The following OPCML variants were observed in gnomAD, a reference collection of about 807,000 sequenced individuals.
The protein encoded by OPCML is opioid-binding protein/cell adhesion molecule.
In OPCML, 13 loss-of-function variants were observed where a neutral mutation model predicts 37.8. The ratio of observed to expected loss-of-function variants is 0.34; its 90% CI spans 0.22 to 0.55. OPCML has a LOEUF of 0.55. OPCML is among the 20% of genes least tolerant of loss of function. The probability of loss-of-function intolerance (pLI) is 0.91; values close to 1 mark genes in which losing one functional copy is unlikely to be tolerated. For synonymous variants in OPCML, 176 were observed against 168.8 expected (o/e 1.04, Z -0.33); for missense variants, 341 against 435.6 (o/e 0.78, Z 1.93).
At chr11:132,824,856 C>T (rs540303407) in intron 2 of OPCML, among the ~76,000 whole-genome samples, 1 of 152,284 alleles carries the variant, frequency 6.6e-6, no homozygotes, top group South Asian at 2.1e-4. Flanking sequence ...GTTCTTTCAC[C>T]ACAAGCCCTT....
chr11:132,783,422 T>C (rs1947100417), intron 2 of OPCML, among the ~76,000 whole-genome samples: 1 of 152,210 alleles, frequency 6.6e-6, no homozygotes, highest in Non-Finnish European at 1.5e-5. Context: ...AGGCCGCATT[T>C]AAAGACACAT....
intron 1 of OPCML, among the ~76,000 whole-genome samples, chr11:133,451,406 C>T (rs529425069): frequency 6.6e-6 from 1 of 151,874 alleles, no homozygotes; most frequent in East Asian, 1.9e-4. Context: ...AGTGGAATTA[C>T]TAAAACTCAG....
intron 1 of OPCML, among the ~76,000 whole-genome samples, chr11:133,154,354 T>TA (rs1270605629): frequency 2.6e-5 from 4 of 152,180 alleles, no homozygotes; most frequent in African/African-American, 4.8e-5. Flanking sequence ...CTAAATTTAA[T>TA]AAAAGTGCAT....
intron 3 of OPCML, among the ~76,000 whole-genome samples, chr11:132,606,629 C>T (rs1247738746): frequency 6.6e-6 from 1 of 152,074 alleles, no homozygotes; most frequent in Admixed American, 6.5e-5. Flanking sequence ...CCTGCAAGGA[C>T]CAGCCTCCAA....
chr11:133,341,489 T>A (rs1943868819), intron 1 of OPCML, among the ~76,000 whole-genome samples: 2 of 152,184 alleles, frequency 1.3e-5, no homozygotes, highest in Admixed American at 1.3e-4. Context: ...CCTCCACCCA[T>A]GAAGTCAAGG....
At chr11:133,210,683 T>C (rs1303533199) in intron 1 of OPCML, among the ~76,000 whole-genome samples, 2 of 151,292 alleles carry the variant, frequency 1.3e-5, no homozygotes, top group African/African-American at 4.9e-5. Context: ...TACATGGCTA[T>C]TTTTTTTTCT....
At chr11:132,437,808 G>A (rs1341340807) in intron 4 of OPCML, among the ~76,000 whole-genome samples, 1 of 152,150 alleles carries the variant, frequency 6.6e-6, no homozygotes, top group South Asian at 2.1e-4. Flanking sequence ...GTTTTTGTAT[G>A]CAGAATACAA....
intron 2 of OPCML, among the ~76,000 whole-genome samples, chr11:132,850,258 G>T (rs1188132407): frequency 6.6e-6 from 1 of 152,126 alleles, no homozygotes; most frequent in Non-Finnish European, 1.5e-5. Context: ...GTGGTTATGG[G>T]TGACTGTTCT....
At chr11:133,451,711 C>T (rs561430887) in intron 1 of OPCML, among the ~76,000 whole-genome samples, 8 of 148,532 alleles carry the variant, frequency 5.4e-5, no homozygotes, top group South Asian at 4.2e-4. Context: ...GGTGTGGTGG[C>T]GGGTGCCTGT....
chr11:133,270,035 T>C (rs1405169800), intron 1 of OPCML, among the ~76,000 whole-genome samples: 1 of 152,202 alleles, frequency 6.6e-6, no homozygotes, highest in Non-Finnish European at 1.5e-5. Flanking sequence ...CATGCCGACA[T>C]TGGAATCTAA....
At chr11:132,516,373 G>C (rs1414574814) in intron 4 of OPCML, among the ~76,000 whole-genome samples, 2 of 152,088 alleles carry the variant, frequency 1.3e-5, no homozygotes, top group African/African-American at 4.8e-5. Flanking sequence ...AGTGCTTCCT[G>C]CATCTGGGAA....
intron 1 of OPCML, chr11:133,025,061 C>A (rs1358482689): frequency 1.1e-6 from 1 of 931,840 alleles, no homozygotes; most frequent in African/African-American, 1.8e-5. Context: ...GCTGAGGTAT[C>A]TATGGAGTAT....
intron 4 of OPCML, among the ~76,000 whole-genome samples, chr11:132,511,883 T>C (rs1351950887): frequency 6.6e-6 from 1 of 152,116 alleles, no homozygotes; most frequent in South Asian, 2.1e-4. Flanking sequence ...AATGTAAAAC[T>C]GAATTCCTTT....
rs532845577 is a variant in OPCML, at chr11:132,444,171, A to G, written c.506-6812T>C. 9.2e-5 allele frequency among the ~76,000 whole-genome samples: 14 copies of G among 152,314 alleles called. No homozygotes were observed. In the South Asian group the frequency reaches 2.7e-3, roughly 29 times the overall value. On this transcript the variant is annotated intron_variant, in intron 4 of 7. Coordinates refer to ENST00000524381, the MANE Select transcript of OPCML (RefSeq NM_001012393.5). ...AGTAATGCCTTCACTTCTAGATGGC[A>G]GCCTTATGTCTTCTTAACTAGGCCC...
intron 2 of OPCML, among the ~76,000 whole-genome samples, chr11:132,885,966 TC>T (rs1943397071): frequency 2.0e-5 from 3 of 152,104 alleles, no homozygotes; most frequent in Admixed American, 2.0e-4. Context: ...ACACACAATT[TC>T]CTTTGCCTTC....
At chr11:132,685,293 T>C (rs1363954392) in intron 2 of OPCML, among the ~76,000 whole-genome samples, 5 of 152,210 alleles carry the variant, frequency 3.3e-5, no homozygotes, top group Non-Finnish European at 7.3e-5. Flanking sequence ...TCAGAATACA[T>C]ATGACATTTC....
At chr11:133,151,238 A>T (rs1592052575) in intron 1 of OPCML, among the ~76,000 whole-genome samples, 1 of 151,958 alleles carries the variant, frequency 6.6e-6, no homozygotes, top group Non-Finnish European at 1.5e-5. Flanking sequence ...ATGCCACTGC[A>T]CTCCAGCCTG....
At chr11:133,225,498 TG>T (rs1410996250) in intron 1 of OPCML, among the ~76,000 whole-genome samples, 111 of 152,218 alleles carry the variant, frequency 7.3e-4, no homozygotes, top group Admixed American at 7.2e-3. Context: ...ATGCGAGTGC[TG>T]TATTAATTAA....
At chr11:132,539,189 T>G (rs2096349101) in intron 3 of OPCML, among the ~76,000 whole-genome samples, 1 of 152,196 alleles carries the variant, frequency 6.6e-6, no homozygotes, top group Admixed American at 6.6e-5. Context: ...AGAATCTATG[T>G]GTGATTTCAC....
Sources: allele counts gnomAD v4.1 joint callset (sites outside exome capture counted in the v4.1 genomes callset), GRCh38; gene constraint gnomAD v4.1.1; transcripts MANE v1.5; gene names NCBI Gene and HGNC (gene_info 2026-07-23, HGNC 2026-07-21).